Variants in KIAA1671 observed in about 807,000 individuals in gnomAD.
KIAA1671 encodes uncharacterized protein KIAA1671.
A neutral mutation model predicts 131.2 loss-of-function variants in KIAA1671; 52 were observed. That is an observed-to-expected ratio of 0.40 (90% CI 0.32 to 0.50). KIAA1671 has a LOEUF of 0.50. Ranked by LOEUF, KIAA1671 falls within the 20% of genes least tolerant of loss-of-function variation. The pLI, the probability that KIAA1671 is intolerant of heterozygous loss-of-function variation, is 0.73. For missense variants in KIAA1671, 2,360 were observed against 2,364.2 expected, an observed-to-expected ratio of 1.00 and a Z score of 0.04; for synonymous variants, 1,003 against 961.6, an observed-to-expected ratio of 1.04 and a Z score of -0.80.
chr22:25,096,060 G>A (rs1930376710), intron 6 of KIAA1671, among the ~76,000 whole-genome samples: 1 of 152,208 alleles, frequency 6.6e-6, no homozygotes, highest in Non-Finnish European at 1.5e-5. Flanking sequence ...GAGCTAAGCT[G>A]GGAGTTCTTC....
chr22:25,118,464 T>C (rs953140123), intron 6 of KIAA1671, among the ~76,000 whole-genome samples: 1 of 152,156 alleles, frequency 6.6e-6, no homozygotes. Context: ...AATTTTTTTG[T>C]ATTTTTAATA....
At position 25,039,571 on chromosome 22, in the gene KIAA1671, G is replaced by A; in HGVS notation, c.2441G>A (p.Gly814Glu). The A allele has an allele frequency of 6.4e-7, 1 of 1,551,784 alleles. No individual in the cohort carries two copies. The highest frequency in any genetic ancestry group is 1.2e-5 in the South Asian group (1 of 84,064). The change falls in exon 5 of 13, where the codon GGG becomes GAG. Residue 814 changes from glycine to glutamate, a missense_variant. Physicochemically the swap from Gly to Glu is moderately conservative, Grantham distance 98. This residue lies in a region of KIAA1671 where 1,185 missense variants were observed against 1,126.2 expected (regional missense o/e 1.05). Transcript: ENST00000358431. The stretch of plus-strand genomic sequence containing the variant: ...CCTGAGGCTAGTGGACCGAAGTTTG[G>A]GGGCAATTGCCCGTTTCCCAAATGG... ...GMPEASGPKF[G>E]GNCPFPKWTG...
intron 1 of KIAA1671, among the ~76,000 whole-genome samples, chr22:25,007,397 C>T (rs1924804161): frequency 6.6e-6 from 1 of 151,234 alleles, no homozygotes; most frequent in South Asian, 2.1e-4. Flanking sequence ...GAGGCAGGAG[C>T]ATCACTTGAA....
intron 6 of KIAA1671, among the ~76,000 whole-genome samples, chr22:25,092,970 A>C (rs1179146439): frequency 6.6e-6 from 1 of 152,186 alleles, no homozygotes; most frequent in Non-Finnish European, 1.5e-5. Context: ...GGGTGAGCTC[A>C]AGGTCACCAG....
Position 25,039,443 on chromosome 22 carries a change from G to A in KIAA1671, c.2313G>A (p.Arg771=), listed in dbSNP as rs2145804957. The A allele has an allele frequency of 2.6e-6, 4 of 1,551,808 alleles. No homozygotes were observed. In the East Asian group the frequency reaches 7.3e-5, roughly 28 times the overall value. The part of the protein sequence containing the change: ...SLRSWLSLKD[R]QLSQEVTPAD... ...GGTCTTGGCTCTCACTGAAGGACAG[G>A]CAGCTGTCCCAGGAGGTCACCCCTG... Residue 771 remains arginine, a synonymous_variant, in exon 5 of 13, where the codon AGG becomes AGA. Transcript: ENST00000358431.
chr22:25,067,759 C>T (rs1928557418), intron 6 of KIAA1671, among the ~76,000 whole-genome samples: 1 of 152,238 alleles, frequency 6.6e-6, no homozygotes, highest in African/African-American at 2.4e-5. Context: ...CAACCCTTAG[C>T]AGCCTCCATG....
intron 3 of KIAA1671, 70 bp from the exon 4 acceptor site, chr22:25,032,539 G>A: frequency 1.0e-6 from 1 of 965,458 alleles, no homozygotes; most frequent in Non-Finnish European, 1.6e-6. Context: ...CTGGCCTCCT[G>A]AGCTGGTGTG....
At position 25,032,701 on chromosome 22, in the gene KIAA1671, G is replaced by A; in HGVS notation, c.1629+5G>A. On this transcript the variant is annotated splice_donor_5th_base_variant and intron_variant, in intron 4 of 12. Transcript: ENST00000358431. ...CCTAAGGAACCGAGAGAAAAGGTAA[G>A]GAGTGGCTGTGTAGCACGTCTCTCA... is the stretch of plus-strand genomic sequence containing the variant. The A allele has an allele frequency of 6.5e-7, 1 of 1,533,502 alleles. No individual in the cohort carries two copies. The highest frequency in any genetic ancestry group is 8.8e-7 in the Non-Finnish European group (1 of 1,131,926). The allele number at this position is 1,533,502 out of a possible 1,614,324, so 95.0% of individuals were successfully genotyped here.
chr22:25,093,010 G>A (rs1051468421), intron 6 of KIAA1671, among the ~76,000 whole-genome samples: 5 of 152,196 alleles, frequency 3.3e-5, no homozygotes, highest in African/African-American at 4.8e-5. Context: ...TTGCAGATTA[G>A]TGGAAAGAGA....
chr22:25,007,476 C>A (rs1034102033), intron 1 of KIAA1671, among the ~76,000 whole-genome samples: 1 of 149,888 alleles, frequency 6.7e-6, no homozygotes, highest in Non-Finnish European at 1.5e-5. Context: ...CAGAGTGAGA[C>A]TCGGTCTCAA....
At chr22:25,178,804 C>T (rs796637690) in intron 9 of KIAA1671, among the ~76,000 whole-genome samples, 8 of 152,214 alleles carry the variant, frequency 5.3e-5, no homozygotes, top group African/African-American at 1.9e-4. Context: ...GTTCAACAAG[C>T]TCCGGCTGCA....
intron 6 of KIAA1671, among the ~76,000 whole-genome samples, chr22:25,140,803 C>T (rs1354700629): frequency 2.0e-5 from 3 of 152,058 alleles, no homozygotes; most frequent in East Asian, 1.9e-4. Context: ...TGAGCAGAGG[C>T]GTGGTATGAG....
chr22:25,188,076 G>T (rs543009253), intron 11 of KIAA1671, among the ~76,000 whole-genome samples: 1 of 152,112 alleles, frequency 6.6e-6, no homozygotes, highest in East Asian at 1.9e-4. Flanking sequence ...TGAGGTGGGC[G>T]GATCACAAGA....
intron 1 of KIAA1671, among the ~76,000 whole-genome samples, chr22:24,959,452 G>A (rs1921899011): frequency 6.6e-6 from 1 of 152,154 alleles, no homozygotes; most frequent in Non-Finnish European, 1.5e-5. Flanking sequence ...GAACCTGGGA[G>A]GTGGAGTTTG....
chr22:25,048,223 A>G (rs1038379436), intron 5 of KIAA1671, among the ~76,000 whole-genome samples: 8 of 152,124 alleles, frequency 5.3e-5, no homozygotes, highest in Non-Finnish European at 1.0e-4. Flanking sequence ...CTTCCAAGAG[A>G]TGTTGAGTGA....
intron 6 of KIAA1671, among the ~76,000 whole-genome samples, chr22:25,088,892 A>ACC (rs1008311614): frequency 2.0e-5 from 3 of 151,652 alleles, no homozygotes; most frequent in African/African-American, 7.3e-5. Context: ...ACACACACAC[A>ACC]CGTGCACGCA....
intron 6 of KIAA1671, chr22:25,111,928 G>A (rs1210139608): frequency 9.9e-6 from 3 of 303,968 alleles, no homozygotes; most frequent in South Asian, 1.6e-4. Flanking sequence ...CCGCTGGGGT[G>A]GACTCCCAGC....
chr22:25,094,961 G>A (rs188308892), intron 6 of KIAA1671, among the ~76,000 whole-genome samples: 166 of 152,222 alleles, frequency 1.1e-3, no homozygotes, highest in African/African-American at 3.5e-3. Context: ...TTTAAGGAGT[G>A]GGGATACTGT....
chr22:25,168,065 C>T lies in KIAA1671; in HGVS notation c.4531-2755C>T, dbSNP rs144747401. ...ACTCATTCTGCAGGACCACATGGAC[C>T]ACAAGTGCTGTCTCGGCTCAGTGTG... On this transcript the variant is annotated intron_variant, in intron 6 of 12. Transcript: ENST00000358431. Among the ~76,000 whole-genome samples the T allele has an allele frequency of 5.3e-5, 8 of 152,300 alleles. No individual in the cohort carries two copies. In the East Asian group the frequency reaches 1.5e-3, roughly 29 times the overall value.
Sources: allele counts gnomAD v4.1 joint callset (sites outside exome capture counted in the v4.1 genomes callset), GRCh38; gene constraint gnomAD v4.1.1; regional missense constraint gnomAD v4.1.1; transcripts MANE v1.5; gene names NCBI Gene and HGNC (gene_info 2026-07-23, HGNC 2026-07-21).